Variants in DIS3L2 observed in about 807,000 individuals in gnomAD.
DIS3L2 encodes DIS3-like exonuclease 2.
Under a neutral mutation model 97.5 loss-of-function variants are expected in DIS3L2, and 34 were observed. The ratio of observed to expected loss-of-function variants is 0.35; its 90% CI spans 0.27 to 0.46. DIS3L2 has a LOEUF of 0.46. DIS3L2 is among the 20% of genes least tolerant of loss of function. The probability of loss-of-function intolerance (pLI) is 1.00; values close to 1 mark genes in which losing one functional copy is unlikely to be tolerated. For missense variants in DIS3L2, 1,038 were observed against 1,146.0 expected, an observed-to-expected ratio of 0.91 and a Z score of 1.36; for synonymous variants, 435 against 445.2, an observed-to-expected ratio of 0.98 and a Z score of 0.29.
chr2:232,054,935 G>A (rs1695503877), intron 5 of DIS3L2, among the ~76,000 whole-genome samples: 2 of 152,178 alleles, frequency 1.3e-5, no homozygotes, highest in South Asian at 4.1e-4. Context: ...TTCCACTAAT[G>A]TAAGATTGGA....
chr2:232,017,591 C>T (rs552631348), intron 3 of DIS3L2, among the ~76,000 whole-genome samples: 4 of 152,130 alleles, frequency 2.6e-5, no homozygotes, highest in East Asian at 1.9e-4. Flanking sequence ...CATAGGAGGA[C>T]CCATTGTGCC....
downstream of DIS3L2, among the ~76,000 whole-genome samples, chr2:232,340,181 G>A (rs926386851): frequency 6.6e-6 from 1 of 152,222 alleles, no homozygotes; most frequent in Non-Finnish European, 1.5e-5. Context: ...CCGCATGGCA[G>A]GTGAGAGCAG....
chr2:231,989,728 C>T (rs558585923), intron 1 of DIS3L2, among the ~76,000 whole-genome samples: 264 of 152,092 alleles, frequency 1.7e-3, no homozygotes, highest in Non-Finnish European at 2.5e-3. Flanking sequence ...CCCAGCTACT[C>T]GGGAGCTGAA....
At chr2:232,286,306 G>A (rs186915785) in intron 13 of DIS3L2, among the ~76,000 whole-genome samples, 1 of 152,316 alleles carries the variant, frequency 6.6e-6, no homozygotes, top group African/African-American at 2.4e-5. Context: ...CCCCGTGTCA[G>A]CACAGCCACA....
At chr2:232,128,130 A>AT (rs35204977) in intron 6 of DIS3L2, among the ~76,000 whole-genome samples, 2 of 150,356 alleles carry the variant, frequency 1.3e-5, no homozygotes, top group African/African-American at 4.9e-5. Context: ...TTTTTTTTGT[A>AT]TTTTTTGTAG....
intron 6 of DIS3L2, among the ~76,000 whole-genome samples, chr2:232,097,684 C>A (rs866790013): frequency 1.2e-4 from 18 of 152,088 alleles, no homozygotes; most frequent in South Asian, 2.1e-4. Flanking sequence ...GAAGTGATGC[C>A]ATGTAAGAGC....
At chr2:231,983,607 A>G (rs1693321765) in intron 1 of DIS3L2, among the ~76,000 whole-genome samples, 1 of 152,062 alleles carries the variant, frequency 6.6e-6, no homozygotes, top group Admixed American at 6.6e-5. Flanking sequence ...CTGATGATTG[A>G]GGGCCAGGCA....
At chr2:232,229,185 CTT>C (rs1014584644) in intron 10 of DIS3L2, among the ~76,000 whole-genome samples, 1 of 151,350 alleles carries the variant, frequency 6.6e-6, no homozygotes, top group East Asian at 1.9e-4. Context: ...TGCCTCTTCT[CTT>C]TTTTTTTGGA....
chr2:232,258,713 T>G (rs1201190719), intron 12 of DIS3L2, among the ~76,000 whole-genome samples: 1 of 152,212 alleles, frequency 6.6e-6, no homozygotes, highest in Non-Finnish European at 1.5e-5. Flanking sequence ...ACTCTGTCCT[T>G]TTGTCTTCTG....
At chr2:232,000,457 G>A (rs1482631388) in intron 1 of DIS3L2, among the ~76,000 whole-genome samples, 1 of 151,974 alleles carries the variant, frequency 6.6e-6, no homozygotes, top group Non-Finnish European at 1.5e-5. Context: ...ACCATTCTCT[G>A]TTCCTATCTG....
chr2:232,190,654 G>A lies in DIS3L2; in HGVS notation c.1125-19672G>A, dbSNP rs549894489. On this transcript the variant is annotated intron_variant, in intron 9 of 20. Transcript: ENST00000325385. ...AAAGAGAAAGAAAGAGAGAAAGAAA[G>A]AAGGCAGGCCTGGCATTCAGGGAAG... is the stretch of plus-strand genomic sequence containing the variant. Among the ~76,000 whole-genome samples the A allele has an allele frequency of 9.9e-4, 150 of 152,204 alleles. 3 individuals are homozygous for A. The highest frequency in any genetic ancestry group is 3.4e-3 in the Middle Eastern group (1 of 294).
intron 1 of DIS3L2, among the ~76,000 whole-genome samples, chr2:231,979,241 A>G (rs1479436574): frequency 1.3e-5 from 2 of 151,642 alleles, no homozygotes; most frequent in Non-Finnish European, 2.9e-5. Context: ...TATTTTATTT[A>G]TTTATTTTTA....
chr2:232,154,481 C>A (rs1322209573), intron 8 of DIS3L2, among the ~76,000 whole-genome samples: 1 of 29,150 alleles, frequency 3.4e-5, no homozygotes, highest in Admixed American at 3.6e-4. Flanking sequence ...GTCAGTGTGC[C>A]CCTGCTGGGG....
At chr2:232,155,583 A>G (rs1690467368) in intron 8 of DIS3L2, among the ~76,000 whole-genome samples, 1 of 152,100 alleles carries the variant, frequency 6.6e-6, no homozygotes, top group Non-Finnish European at 1.5e-5. Flanking sequence ...GTAAACCTAA[A>G]TTTTCTTTAT....
Position 232,015,414 on chromosome 2 carries a change from T to G in DIS3L2, c.53-100T>G, listed in dbSNP as rs143178398. 8,978 of 1,458,592 alleles carry G rather than the reference T, an allele frequency of 6.2e-3. 29 individuals are homozygous for G. Among genetic ancestry groups the G allele is most frequent in the Middle Eastern group, 0.011 (62 of 5,484 alleles). 90.4% of individuals were successfully genotyped at this position (1,458,592 alleles called of 1,614,324 possible). On this transcript the variant is annotated intron_variant, in intron 2 of 20. Coordinates refer to ENST00000325385, the MANE Select transcript of DIS3L2 (RefSeq NM_152383.5). ...CCATCAGGGAGTTTCAGTCTCTTGT[T>G]GGTCTCTTTAAATAATAATTGTAAA...
intron 13 of DIS3L2, among the ~76,000 whole-genome samples, chr2:232,288,017 G>A (rs1305475568): frequency 6.6e-6 from 1 of 152,212 alleles, no homozygotes; most frequent in Non-Finnish European, 1.5e-5. Context: ...CTGGATGGTA[G>A]TGGAAAGTGA....
At chr2:232,266,703 C>T (rs1693865573) in intron 13 of DIS3L2, among the ~76,000 whole-genome samples, 1 of 152,184 alleles carries the variant, frequency 6.6e-6, no homozygotes, top group Admixed American at 6.5e-5. Flanking sequence ...TCACAAAAAT[C>T]CATTTTTCCT....
chr2:232,147,617 T>C (rs913933184), intron 8 of DIS3L2, among the ~76,000 whole-genome samples: 2 of 152,188 alleles, frequency 1.3e-5, no homozygotes, highest in Non-Finnish European at 2.9e-5. Context: ...TGACATAACA[T>C]TGAATCATAG....
chr2:232,263,523 A>AGACT, intron 13 of DIS3L2, 83 bp downstream of exon 13: 6 of 1,346,736 alleles, frequency 4.5e-6, no homozygotes, highest in Non-Finnish European at 5.2e-6. Context: ...TGGCAGGCTT[A>AGACT]GACTCTTCCT....
Sources: allele counts gnomAD v4.1 joint callset (sites outside exome capture counted in the v4.1 genomes callset), GRCh38; gene constraint gnomAD v4.1.1; transcripts MANE v1.5; gene names NCBI Gene and HGNC (gene_info 2026-07-23, HGNC 2026-07-21).